The following MAP2 variants were observed in gnomAD, a reference collection of about 807,000 sequenced individuals.
The protein encoded by MAP2 is microtubule associated protein 2.
In MAP2, 14 loss-of-function variants were observed where a neutral mutation model predicts 137.6. The observed-to-expected ratio is 0.10, with a 90% CI of 0.07 to 0.16. The LOEUF is 0.16. MAP2 is among the 10% of genes least tolerant of loss of function. The pLI, the probability that MAP2 is intolerant of heterozygous loss-of-function variation, is 1.00. For missense variants in MAP2, 2,088 were observed against 2,191.5 expected, an observed-to-expected ratio of 0.95 and a Z score of 0.94; for synonymous variants, 786 against 782.3, an observed-to-expected ratio of 1.00 and a Z score of -0.08.
intron 5 of MAP2, among the ~76,000 whole-genome samples, chr2:209,666,625 C>T (rs188453906): frequency 1.6e-4 from 25 of 152,074 alleles, no homozygotes; most frequent in Non-Finnish European, 3.1e-4. Flanking sequence ...AAGGAATTGG[C>T]TATTTTGGTG....
chr2:209,665,134 A>G (rs2045725560), intron 5 of MAP2, among the ~76,000 whole-genome samples: 2 of 152,178 alleles, frequency 1.3e-5, no homozygotes, highest in Admixed American at 6.5e-5. Flanking sequence ...GTGAAAGTAT[A>G]TGGTGGAAGA....
intron 6 of MAP2, 146 bp downstream of exon 6, chr2:209,678,831 G>A (rs916832614): frequency 6.9e-6 from 3 of 433,982 alleles, no homozygotes; most frequent in Non-Finnish European, 1.2e-5. Context: ...GTATGCACTA[G>A]GACCTATTTT....
intron 5 of MAP2, among the ~76,000 whole-genome samples, chr2:209,672,443 G>A (rs1038850493): frequency 6.6e-6 from 1 of 151,730 alleles, no homozygotes; most frequent in Non-Finnish European, 1.5e-5. Context: ...ATTTAAATAA[G>A]CACTTGATTT....
Position 209,696,454 on chromosome 2 carries a change from A to G in MAP2, c.4181-88A>G, listed in dbSNP as rs2060212377. ...ATACCTCTTTATCTCTTTATTTTGT[A>G]TTTTGTTAAATATACAAAGGATTTT... On this transcript the variant is annotated intron_variant, in intron 8 of 15. Coordinates refer to ENST00000682079, the MANE Select transcript of MAP2 (RefSeq NM_001375505.1). 9 of 1,482,086 alleles carry G rather than the reference A, an allele frequency of 6.1e-6. No homozygotes were observed. The East Asian group carries it at 1.6e-4, about 26-fold the overall frequency. The allele number at this position is 1,482,086 out of a possible 1,614,324, so 91.8% of individuals were successfully genotyped here. A position where few individuals can be genotyped will look rare whatever the true frequency, so the allele number is the denominator to read the frequency against.
intron 2 of MAP2, among the ~76,000 whole-genome samples, chr2:209,549,413 A>G (rs1577910217): frequency 6.6e-6 from 1 of 152,000 alleles, no homozygotes; most frequent in East Asian, 1.9e-4. Context: ...ACCAAACTGT[A>G]CTCCCTCCAT....
intron 4 of MAP2, among the ~76,000 whole-genome samples, chr2:209,646,337 A>C (rs1011401965): frequency 6.6e-6 from 1 of 152,240 alleles, no homozygotes; most frequent in African/African-American, 2.4e-5. Flanking sequence ...TTTCAACAGT[A>C]GTGTTACAGA....
At chr2:209,630,266 C>T (rs1334186177) in intron 4 of MAP2, among the ~76,000 whole-genome samples, 1 of 151,850 alleles carries the variant, frequency 6.6e-6, no homozygotes, top group Non-Finnish European at 1.5e-5. Flanking sequence ...GGAACTAAGG[C>T]CACCATTCTC....
chr2:209,730,627 G>T lies in MAP2; in HGVS notation c.*230G>T. On this transcript the variant is annotated 3_prime_UTR_variant, in exon 16 of 16. Transcript: ENST00000682079. ...CACTGGCTTTACATGGGTTCAATTG[G>T]ACAATTATTTTTGCTCTGCTCTGTT... is the stretch of plus-strand genomic sequence containing the variant. 1 of 520,160 alleles carries T rather than the reference G, an allele frequency of 1.9e-6. No homozygotes were observed. 32.2% of individuals were successfully genotyped at this position (520,160 alleles called of 1,614,324 possible). A position where few individuals can be genotyped will look rare whatever the true frequency, so the allele number is the denominator to read the frequency against.
chr2:209,649,873 C>A lies in MAP2; in HGVS notation c.-29-3269C>A, dbSNP rs183279746. On this transcript the variant is annotated intron_variant, in intron 4 of 15. Coordinates refer to ENST00000682079, the MANE Select transcript of MAP2 (RefSeq NM_001375505.1). ...ATTAAGCGAAATCAGTATGGCTAGCCAGCCTTTTCTTCTTCCAAAATTAGT... is the reference window on the plus strand; with the variant it reads ...ATTAAGCGAAATCAGTATGGCTAGCAAGCCTTTTCTTCTTCCAAAATTAGT... Among the ~76,000 whole-genome samples the A allele has an allele frequency of 5.1e-3, 779 of 152,240 alleles. 13 individuals carry two copies. The highest frequency in any genetic ancestry group is 0.018 in the African/African-American group (728 of 41,546).
chr2:209,544,043 C>A (rs184848490), intron 2 of MAP2, among the ~76,000 whole-genome samples: 519 of 152,172 alleles, frequency 3.4e-3, no homozygotes, highest in Non-Finnish European at 5.7e-3. Context: ...TCTTGGCTAA[C>A]ATGATGAAAC....
At chr2:209,480,088 C>T (rs1312236531) in intron 1 of MAP2, among the ~76,000 whole-genome samples, 3 of 152,124 alleles carry the variant, frequency 2.0e-5, no homozygotes, top group African/African-American at 7.2e-5. Flanking sequence ...ACTCAAATAG[C>T]TGATAGGCTT....
chr2:209,521,511 T>C (rs1286477715), intron 2 of MAP2, among the ~76,000 whole-genome samples: 1 of 152,032 alleles, frequency 6.6e-6, no homozygotes, highest in East Asian at 1.9e-4. Context: ...CCTTTTTATC[T>C]GTGTTTATGC....
intron 2 of MAP2, among the ~76,000 whole-genome samples, chr2:209,522,303 A>G (rs533509499): frequency 1.3e-5 from 2 of 152,274 alleles, no homozygotes; most frequent in South Asian, 4.1e-4. Flanking sequence ...TGCAAAACCA[A>G]TGGCACCTGT....
At chr2:209,664,152 G>C (rs1018936576) in intron 5 of MAP2, among the ~76,000 whole-genome samples, 3 of 152,130 alleles carry the variant, frequency 2.0e-5, no homozygotes, top group African/African-American at 4.8e-5. Context: ...AAATGCTTTG[G>C]GGTAGAACCT....
chr2:209,726,029 G>A lies in MAP2; in HGVS notation c.5155+239G>A, dbSNP rs1047582349. On this transcript the variant is annotated intron_variant, in intron 14 of 15. Transcript: ENST00000682079. The stretch of plus-strand genomic sequence containing the variant: ...TTAAAAATTAAAAGGTACATAAGAC[G>A]CATTTATCTTTATGTACTCAACACG... 4.6e-5 allele frequency among the ~76,000 whole-genome samples: 7 copies of A among 152,064 alleles called. 1 individual carries two copies. The South Asian group carries it at 6.2e-4, about 14-fold the overall frequency.
At chr2:209,646,501 A>C (rs565523472) in intron 4 of MAP2, among the ~76,000 whole-genome samples, 96 of 152,218 alleles carry the variant, frequency 6.3e-4, no homozygotes, top group Non-Finnish European at 1.1e-3. Context: ...GAAAATGCTA[A>C]AAGCAGATAC....
At chr2:209,633,607 G>C (rs2093300981) in intron 4 of MAP2, among the ~76,000 whole-genome samples, 1 of 152,092 alleles carries the variant, frequency 6.6e-6, no homozygotes, top group African/African-American at 2.4e-5. Flanking sequence ...AGATTTTATG[G>C]TGATGGTTAC....
chr2:209,428,278 C>G (rs1341794506), intron 1 of MAP2, among the ~76,000 whole-genome samples: 1 of 151,874 alleles, frequency 6.6e-6, no homozygotes, highest in Admixed American at 6.6e-5. Flanking sequence ...ATAAAGAGCT[C>G]AGGATCCTCT....
intron 2 of MAP2, among the ~76,000 whole-genome samples, chr2:209,521,281 C>A (rs1466788381): frequency 6.6e-6 from 1 of 152,024 alleles, no homozygotes; most frequent in Non-Finnish European, 1.5e-5. Flanking sequence ...TTACAACACA[C>A]TAATATGATG....
Sources: allele counts gnomAD v4.1 joint callset (sites outside exome capture counted in the v4.1 genomes callset), GRCh38; gene constraint gnomAD v4.1.1; transcripts MANE v1.5; gene names NCBI Gene and HGNC (gene_info 2026-07-23, HGNC 2026-07-21).